The following GNAL variants were observed in gnomAD, a reference collection of about 807,000 sequenced individuals.
GNAL encodes guanine nucleotide-binding protein G(olf) subunit alpha.
A neutral mutation model predicts 55.1 loss-of-function variants in GNAL; 18 were observed. The ratio of observed to expected loss-of-function variants is 0.33; its 90% CI spans 0.23 to 0.48. The LOEUF is 0.48. GNAL is among the 20% of genes least tolerant of loss of function. The probability of loss-of-function intolerance (pLI) is 0.99; values close to 1 mark genes in which losing one functional copy is unlikely to be tolerated. For missense variants in GNAL, 412 were observed against 614.1 expected, an observed-to-expected ratio of 0.67 and a Z score of 3.48; for synonymous variants, 253 against 237.0, an observed-to-expected ratio of 1.07 and a Z score of -0.62.
At chr18:11,735,825 G>A (rs2143459218) in intron 1 of GNAL, among the ~76,000 whole-genome samples, 1 of 150,912 alleles carries the variant, frequency 6.6e-6, no homozygotes, top group Middle Eastern at 3.4e-3. Flanking sequence ...AAGGAAGGAA[G>A]GAAGGGAGAA....
intron 4 of GNAL, among the ~76,000 whole-genome samples, chr18:11,797,176 C>A (rs1322697861): frequency 1.3e-5 from 2 of 151,918 alleles, no homozygotes; most frequent in Non-Finnish European, 2.9e-5. Flanking sequence ...AGGTGATCCA[C>A]CCCCCTTGGC....
intron 7 of GNAL, among the ~76,000 whole-genome samples, chr18:11,866,731 T>C (rs1028616934): frequency 2.7e-5 from 4 of 150,138 alleles, no homozygotes; most frequent in Non-Finnish European, 5.9e-5. Flanking sequence ...TTCTCAATTC[T>C]CCATGGGAGG....
intron 5 of GNAL, 29 bp from the exon 6 acceptor site, chr18:11,862,366 G>T (rs1286304335): frequency 6.3e-6 from 10 of 1,597,374 alleles, no homozygotes; most frequent in Non-Finnish European, 8.6e-6. Flanking sequence ...CAGAGAACAG[G>T]CCTCAACCCT....
intron 4 of GNAL, 86 bp downstream of exon 4, chr18:11,754,031 C>T (rs557461258): frequency 3.9e-5 from 38 of 972,510 alleles, no homozygotes; most frequent in Middle Eastern, 4.2e-4. Context: ...AATATTGATA[C>T]TAATTCATTA....
In GNAL at chr18:11,752,293, C is replaced by A; in HGVS notation, c.377-560C>A. On this transcript the variant is annotated intron_variant, in intron 1 of 11. Coordinates refer to ENST00000334049, the MANE Select transcript of GNAL (RefSeq NM_182978.4). This position sits in a 1 kb window ranked among gnomAD's most constrained non-coding sequence, Gnocchi z 4.5. ...GGGAGAAGAAACGCCTGCTCTGAAT[C>A]GGAAAACACCGAAGAGACCAGACCA... 6 of 1,440,448 alleles carry A rather than the reference C, an allele frequency of 4.2e-6. No homozygotes were observed. The South Asian group carries it at 6.5e-5, about 16-fold the overall frequency. 89.2% of individuals were successfully genotyped at this position (1,440,448 alleles called of 1,614,324 possible). A position where few individuals can be genotyped will look rare whatever the true frequency, so the allele number is the denominator to read the frequency against.
intron 4 of GNAL, among the ~76,000 whole-genome samples, chr18:11,822,814 T>C (rs1205954241): frequency 1.9e-4 from 6 of 30,992 alleles, no homozygotes; most frequent in Non-Finnish European, 3.2e-4. Context: ...TTTTCTTTTT[T>C]TTTTTCTTTT....
intron 4 of GNAL, among the ~76,000 whole-genome samples, chr18:11,760,526 C>T (rs2143174306): frequency 6.6e-6 from 1 of 152,294 alleles, no homozygotes; most frequent in Middle Eastern, 3.4e-3. Context: ...TGTTTTCCTT[C>T]CAGTATTTTC....
At chr18:11,874,035 A>C (rs1017854794) in intron 10 of GNAL, 1 of 152,406 alleles carries the variant, frequency 6.6e-6, no homozygotes, top group Non-Finnish European at 1.5e-5. Flanking sequence ...TCTGAGACAC[A>C]ACCTTACCTG....
chr18:11,696,847 C>T (rs1279238700), intron 1 of GNAL, among the ~76,000 whole-genome samples: 1 of 152,116 alleles, frequency 6.6e-6, no homozygotes, highest in Non-Finnish European at 1.5e-5. Flanking sequence ...TTTATGAACA[C>T]TTCCTTCAAA....
rs192785306 is a variant in GNAL at position 11,793,663 on chromosome 18, C to T, written c.625-31255C>T. Among the ~76,000 whole-genome samples the T allele has an allele frequency of 4.0e-5, 6 of 148,482 alleles. No individual in the cohort carries two copies. The East Asian group carries it at 5.8e-4, about 14-fold the overall frequency. ...CAAAGGGGCCAGGCGCAGTGGCTCACGCCTGTAATCCCAACACTTTGGGAG... is the reference window on the plus strand; with the variant it reads ...CAAAGGGGCCAGGCGCAGTGGCTCATGCCTGTAATCCCAACACTTTGGGAG... On this transcript the variant is annotated intron_variant, in intron 4 of 11. Transcript: ENST00000334049.
In GNAL at chr18:11,827,903, G is replaced by A. The variant is rs938831747; in HGVS notation, c.722+2888G>A. On this transcript the variant is annotated intron_variant, in intron 5 of 11. Coordinates refer to ENST00000334049, the MANE Select transcript of GNAL (RefSeq NM_182978.4). Reference sequence around the variant, plus strand: ...GGGGAATGGCGTGAACCCGGGAGGCGGAGCTTGCAGTGAGCCGAGATCGCG... The same window carrying A: ...GGGGAATGGCGTGAACCCGGGAGGCAGAGCTTGCAGTGAGCCGAGATCGCG... 6.6e-5 allele frequency among the ~76,000 whole-genome samples: 10 copies of A among 151,842 alleles called. No individual in the cohort carries two copies. The East Asian group carries it at 1.9e-3, about 29-fold the overall frequency.
Position 11,838,580 on chromosome 18 carries a change from C to T in GNAL, c.722+13565C>T, listed in dbSNP as rs181679612. Among the ~76,000 whole-genome samples, 249 of 152,276 alleles carry T rather than the reference C, an allele frequency of 1.6e-3. 1 individual carries two copies. Among genetic ancestry groups the T allele is most frequent in the Admixed American group, 2.7e-3 (42 of 15,296 alleles). ...TTGTGAGAGCTTTACTTGGACACTT[C>T]AGTAAAATTAATTTGGAGACTCCTG... On this transcript the variant is annotated intron_variant, in intron 5 of 11. Transcript: ENST00000334049.
intron 9 of GNAL, among the ~76,000 whole-genome samples, chr18:11,870,250 G>C (rs1252663594): frequency 6.6e-6 from 1 of 152,196 alleles, no homozygotes; most frequent in Non-Finnish European, 1.5e-5. Context: ...GCCGGGAACA[G>C]TGGCTCATGC....
At chr18:11,873,037 T>G (rs1259350997) in intron 10 of GNAL, among the ~76,000 whole-genome samples, 1 of 152,174 alleles carries the variant, frequency 6.6e-6, no homozygotes, top group Non-Finnish European at 1.5e-5. Context: ...GTGCTAAAGC[T>G]GGGAAGGTAG....
At chr18:11,735,811 A>C (rs750727054) in intron 1 of GNAL, among the ~76,000 whole-genome samples, 1 of 146,536 alleles carries the variant, frequency 6.8e-6, no homozygotes, top group Non-Finnish European at 1.5e-5. Context: ...GAAGGAAAGG[A>C]AGGAAGGAAG....
chr18:11,838,402 T>C (rs568733226), intron 5 of GNAL, among the ~76,000 whole-genome samples: 1 of 152,258 alleles, frequency 6.6e-6, no homozygotes, highest in East Asian at 1.9e-4. Context: ...CCAGGTGGAC[T>C]TGGGGGATGA....
In GNAL at chr18:11,883,434, C is replaced by A. The variant is rs1280197735; in HGVS notation, c.*2299C>A. On this transcript the variant is annotated 3_prime_UTR_variant, in exon 12 of 12. Coordinates refer to ENST00000334049, the MANE Select transcript of GNAL (RefSeq NM_182978.4). ...CTGTTTAAGAGTTTAATTCAAACAA[C>A]AGCCAGACTGTTAAGAAAAAAAACA... The A allele has an allele frequency of 4.6e-5, 7 of 152,582 alleles. No individual in the cohort carries two copies. Among genetic ancestry groups the A allele is most frequent in the Admixed American group, 4.6e-4 (7 of 15,266 alleles). The allele number at this position is 152,582 out of a possible 1,614,324, so 9.5% of individuals were successfully genotyped here. A position where few individuals can be genotyped will look rare whatever the true frequency, so the allele number is the denominator to read the frequency against.
At chr18:11,773,092 A>G (rs141048712) in intron 4 of GNAL, among the ~76,000 whole-genome samples, 2 of 152,236 alleles carry the variant, frequency 1.3e-5, no homozygotes, top group African/African-American at 4.8e-5. Context: ...CATCATCTCT[A>G]CTGGGAGCCT....
At chr18:11,750,522 C>T (rs927867326) in intron 1 of GNAL, among the ~76,000 whole-genome samples, 3 of 152,000 alleles carry the variant, frequency 2.0e-5, no homozygotes, top group African/African-American at 4.8e-5. Flanking sequence ...CCGGATGCAC[C>T]GGCCAGAGGG....
Sources: gnomAD v4.1 joint callset for allele counts (sites outside exome capture counted in the v4.1 genomes callset) on GRCh38, gnomAD v4.1.1 for gene constraint, Gnocchi (gnomAD v3.1) non-coding constraint, MANE v1.5 for transcripts, NCBI Gene and HGNC (gene_info 2026-07-23, HGNC 2026-07-21) for gene names.